AHI1: variants seen among roughly 807,000 people sequenced by gnomAD.
The protein encoded by AHI1 is jouberin.
Under a neutral mutation model 149.3 loss-of-function variants are expected in AHI1, and 123 were observed. The ratio of observed to expected loss-of-function variants is 0.82; its 90% CI spans 0.71 to 0.96. The LOEUF (loss-of-function observed/expected upper bound fraction) is 0.96. Ranked by LOEUF, AHI1 falls within the 40% of genes least tolerant of loss-of-function variation. The pLI, the probability that AHI1 is intolerant of heterozygous loss-of-function variation, is 0.00. For missense variants in AHI1, 1,439 were observed against 1,422.7 expected (o/e 1.01, Z -0.18); for synonymous variants, 475 against 459.8 (o/e 1.03, Z -0.42).
chr6:135,492,107 T>C (rs996643928), intron 4 of AHI1, 121 bp downstream of exon 4: 1 of 624,300 alleles, frequency 1.6e-6, no homozygotes, highest in Non-Finnish European at 2.6e-6. Flanking sequence ...AAATGTAGTA[T>C]ATTTGGTCAA....
intron 24 of AHI1, among the ~76,000 whole-genome samples, chr6:135,337,157 C>T (rs1201975580): frequency 6.6e-6 from 1 of 150,596 alleles, no homozygotes; most frequent in Non-Finnish European, 1.5e-5. Flanking sequence ...TAAAATTATG[C>T]CAAAAAAAAA....
intron 25 of AHI1, among the ~76,000 whole-genome samples, chr6:135,321,823 G>A (rs1384894657): frequency 1.3e-5 from 2 of 151,124 alleles, no homozygotes; most frequent in African/African-American, 4.9e-5. Flanking sequence ...TTTTTTTTGA[G>A]ACAGAGTTTT....
In AHI1 at chr6:135,285,204, A is replaced by G. The variant is rs1275870749; in HGVS notation, c.*441T>C. On this transcript the variant is annotated 3_prime_UTR_variant, in exon 29 of 29. Coordinates refer to ENST00000265602, the MANE Select transcript of AHI1 (RefSeq NM_001134831.2). ...TATCTTTTAAATAAAGTGAATTTCAAAAACAGATACTTCATATTCTGGGCA... is the reference window on the plus strand; with the variant it reads ...TATCTTTTAAATAAAGTGAATTTCAGAAACAGATACTTCATATTCTGGGCA... 5.7e-6 allele frequency: 1 copy of G among 174,114 alleles called. No homozygotes were observed. Among genetic ancestry groups the G allele is most frequent in the Non-Finnish European group, 1.2e-5 (1 of 81,476 alleles). 10.8% of individuals were successfully genotyped at this position (174,114 alleles called of 1,614,324 possible).
Position 135,362,714 on chromosome 6 carries a change from A to AT in AHI1, c.3110-4528dup, listed in dbSNP as rs536402305. ...TGTCCTTAGCCCACTTTGTGATGGG[A>AT]TTTTTTTTTTCTTGCTGATTTGTTT... is the stretch of plus-strand genomic sequence containing the variant. On this transcript the variant is annotated intron_variant, in intron 23 of 28. Transcript: ENST00000265602. Among the ~76,000 whole-genome samples the AT allele has an allele frequency of 6.7e-3, 995 of 148,806 alleles. 11 individuals are homozygous for AT. The highest frequency in any genetic ancestry group is 0.03 in the South Asian group (139 of 4,656).
intron 24 of AHI1, among the ~76,000 whole-genome samples, chr6:135,323,748 A>G (rs770746621): frequency 5.3e-5 from 8 of 152,222 alleles, no homozygotes; most frequent in South Asian, 2.1e-4. Context: ...GAAAAACTCA[A>G]TGGAACAATC....
intron 24 of AHI1, among the ~76,000 whole-genome samples, chr6:135,352,888 A>G (rs1440808146): frequency 1.3e-5 from 2 of 148,294 alleles, no homozygotes; most frequent in Admixed American, 6.8e-5. Flanking sequence ...GTACTATCCT[A>G]TGTATATTGT....
chr6:135,438,295 G>T lies in AHI1; in HGVS notation c.2036+80C>A, dbSNP rs906935213. ...GGGAAAATACGACTGGAGCATAAGA[G>T]TAGTTACATCAGTTTATATTCTCTT... On this transcript the variant is annotated intron_variant, in intron 15 of 28. Transcript: ENST00000265602. The T allele has an allele frequency of 6.2e-6, 8 of 1,290,724 alleles. No individual in the cohort carries two copies. In the Admixed American group the frequency reaches 7.7e-5, roughly 12 times the overall value. 80.0% of individuals were successfully genotyped at this position (1,290,724 alleles called of 1,614,324 possible).
intron 20 of AHI1, among the ~76,000 whole-genome samples, chr6:135,426,296 A>G (rs1330090379): frequency 6.6e-6 from 1 of 151,728 alleles, no homozygotes; most frequent in Non-Finnish European, 1.5e-5. Flanking sequence ...TCTCTATAAA[A>G]TTCTTTAAAA....
At chr6:135,417,150 C>A (rs1313811097) in intron 20 of AHI1, among the ~76,000 whole-genome samples, 2 of 152,016 alleles carry the variant, frequency 1.3e-5, no homozygotes, top group African/African-American at 4.8e-5. Flanking sequence ...AAATGCATAT[C>A]ATGTTTCATG....
In AHI1 at chr6:135,364,151, C is replaced by T. The variant is rs1282250290; in HGVS notation, c.3110-5964G>A. Among the ~76,000 whole-genome samples, 7 of 151,700 alleles carry T rather than the reference C, an allele frequency of 4.6e-5. No homozygotes were observed. In the South Asian group the frequency reaches 6.2e-4, roughly 14 times the overall value. Reference sequence around the variant, plus strand: ...CTTCCCAGACAGGGTGGCTGCTGGGCGGAGGGGCTCCTCACTTCTCAGACA... The same window carrying T: ...CTTCCCAGACAGGGTGGCTGCTGGGTGGAGGGGCTCCTCACTTCTCAGACA... On this transcript the variant is annotated intron_variant, in intron 23 of 28. Transcript: ENST00000265602.
intron 26 of AHI1, chr6:135,302,169 GT>G: frequency 1.0e-6 from 1 of 985,150 alleles, no homozygotes; most frequent in East Asian, 1.1e-4. Flanking sequence ...TCTTTACAAG[GT>G]CTCAGTATCA....
At chr6:135,490,974 C>G (rs908739317) in intron 4 of AHI1, among the ~76,000 whole-genome samples, 1 of 152,128 alleles carries the variant, frequency 6.6e-6, no homozygotes, top group Non-Finnish European at 1.5e-5. Context: ...CTCTAAAAGT[C>G]TCCTTTGCTA....
At chr6:135,385,510 A>G (rs1777450614) in intron 23 of AHI1, among the ~76,000 whole-genome samples, 1 of 152,242 alleles carries the variant, frequency 6.6e-6, no homozygotes, top group Non-Finnish European at 1.5e-5. Flanking sequence ...GGAATTAGCA[A>G]TGAAAAGGTC....
intron 25 of AHI1, among the ~76,000 whole-genome samples, chr6:135,320,977 T>C (rs923489508): frequency 2.0e-5 from 3 of 152,234 alleles, no homozygotes; most frequent in Non-Finnish European, 4.4e-5. Flanking sequence ...GGAACTTATA[T>C]GCTGTCTTAT....
chr6:135,404,299 T>C (rs2128497620), intron 22 of AHI1, among the ~76,000 whole-genome samples: 1 of 152,336 alleles, frequency 6.6e-6, no homozygotes, highest in East Asian at 1.9e-4. Flanking sequence ...GGAAAGCTGC[T>C]GTGTTGAAAG....
intron 8 of AHI1, 30 bp from the exon 9 acceptor site, chr6:135,457,743 A>G (rs374278128): frequency 1.9e-6 from 3 of 1,579,544 alleles, no homozygotes; most frequent in Non-Finnish European, 2.6e-6. Flanking sequence ...AATCAATGTT[A>G]TAATTAGTTG....
At chr6:135,365,466 G>A (rs1393683455) in intron 23 of AHI1, among the ~76,000 whole-genome samples, 1 of 151,942 alleles carries the variant, frequency 6.6e-6, no homozygotes, top group Non-Finnish European at 1.5e-5. Context: ...TCTTTTTTTG[G>A]TGTCATCTGT....
At chr6:135,480,501 T>C (rs1426344190) in intron 5 of AHI1, among the ~76,000 whole-genome samples, 2 of 152,150 alleles carry the variant, frequency 1.3e-5, no homozygotes, top group Non-Finnish European at 2.9e-5. Context: ...TATACTTCTA[T>C]TTATTTCCTC....
chr6:135,401,655 G>A (rs1780042052), intron 22 of AHI1, among the ~76,000 whole-genome samples: 1 of 152,104 alleles, frequency 6.6e-6, no homozygotes, highest in South Asian at 2.1e-4. Flanking sequence ...GAATGAAAGT[G>A]GACCTATCCA....
Sources: gnomAD v4.1 joint callset for allele counts (sites outside exome capture counted in the v4.1 genomes callset) on GRCh38, gnomAD v4.1.1 for gene constraint, MANE v1.5 for transcripts, NCBI Gene and HGNC (gene_info 2026-07-23, HGNC 2026-07-21) for gene names.